DRAM1: variants seen among roughly 807,000 people sequenced by gnomAD.
DRAM1 encodes DNA damage regulated autophagy modulator 1, also known as DNA damage-regulated autophagy modulator protein 1.
In DRAM1, 25 loss-of-function variants were observed where a neutral mutation model predicts 28.5. The observed-to-expected ratio is 0.88, with a 90% confidence interval of 0.64 to 1.23. DRAM1 has a LOEUF of 1.23. Among genes scored for constraint, DRAM1 ranks in the 50% most tolerant of loss-of-function variants. The pLI is 0.00. For missense variants in DRAM1, 249 were observed against 299.2 expected, an observed-to-expected ratio of 0.83 and a Z score of 1.24; for synonymous variants, 113 against 114.2, an observed-to-expected ratio of 0.99 and a Z score of 0.07.
chr12:101,878,369 G>A lies in DRAM1; in HGVS notation c.131+449G>A, dbSNP rs939403718. On this transcript the variant is annotated intron_variant, in intron 1 of 6. Transcript: ENST00000258534. ...GGGCTTATTATTCCCGCAAGCGAGC[G>A]GTGGTGTAAAGTTGATGAAATATCA... Among the ~76,000 whole-genome samples, 3 of 152,262 alleles carry A rather than the reference G, an allele frequency of 2.0e-5. No individual in the cohort carries two copies. In the South Asian group the frequency reaches 6.2e-4, roughly 32 times the overall value.
At chr12:101,898,197 G>C (rs1224264873) in intron 2 of DRAM1, among the ~76,000 whole-genome samples, 1 of 151,576 alleles carries the variant, frequency 6.6e-6, no homozygotes, top group Non-Finnish European at 1.5e-5. Flanking sequence ...ATTTTTTGTA[G>C]TTTTTTGTAG....
At chr12:101,889,960 A>G in intron 1 of DRAM1, 1 of 383,062 alleles carries the variant, frequency 2.6e-6, no homozygotes, top group Non-Finnish European at 5.0e-6. Flanking sequence ...AAAAAAAAAA[A>G]AAGATGCCAG....
At chr12:101,919,925 C>T (rs946186991) in intron 5 of DRAM1, 184 bp from the exon 6 acceptor site, 3 of 403,706 alleles carry the variant, frequency 7.4e-6, no homozygotes, top group African/African-American at 2.1e-5. Flanking sequence ...CCTGCCTTCG[C>T]ATTCTCAGTG....
rs1566131535 is a variant in DRAM1 at position 101,914,243 on chromosome 12, AGTT to A, written c.579+17_579+19del. ...AATCCAAGAGAAAAGGTAACATTTA[AGTT>A]GTTGTGAATGTGGTTGTCGGACGTG... On this transcript the variant is annotated intron_variant, in intron 5 of 6. Transcript: ENST00000258534. The A allele has an allele frequency of 1.2e-6, 2 of 1,603,542 alleles. No individual in the cohort carries two copies. The highest frequency in any genetic ancestry group is 2.2e-5 in the South Asian group (2 of 89,344).
At chr12:101,879,540 C>G (rs1872615552) in intron 1 of DRAM1, among the ~76,000 whole-genome samples, 1 of 152,188 alleles carries the variant, frequency 6.6e-6, no homozygotes, top group African/African-American at 2.4e-5. Flanking sequence ...TTTGGCCTCC[C>G]AGAGTGTTGG....
chr12:101,880,398 T>C (rs1418918049), intron 1 of DRAM1, among the ~76,000 whole-genome samples: 2 of 149,448 alleles, frequency 1.3e-5, no homozygotes, highest in East Asian at 4.0e-4. Context: ...GCAATTCTCC[T>C]GACTCAGCCT....
intron 3 of DRAM1, among the ~76,000 whole-genome samples, chr12:101,907,773 A>G (rs953552678): frequency 6.6e-6 from 1 of 152,184 alleles, no homozygotes; most frequent in African/African-American, 2.4e-5. Context: ...AAAATTGTAT[A>G]TGATATGTAT....
intron 1 of DRAM1, among the ~76,000 whole-genome samples, chr12:101,880,039 TTTTGTTTG>T (rs556517963): frequency 5.8e-4 from 88 of 151,606 alleles, no homozygotes; most frequent in Non-Finnish European, 6.9e-4. Context: ...GTGCTGCTTC[TTTTGTTTG>T]TTTGTTTGTT....
At position 101,877,960 on chromosome 12, in the gene DRAM1, A is replaced by G; in HGVS notation, c.131+40A>G. ...GGGCGTCAGGGCCCCAGGAGCAGGC[A>G]CAGGGACCACAGGGAGCGCTGCCGA... On this transcript the variant is annotated intron_variant, in intron 1 of 6. Transcript: ENST00000258534. This position sits in a 1 kb window ranked among gnomAD's most constrained non-coding sequence, Gnocchi z 4.1. The G allele has an allele frequency of 7.0e-7, 1 of 1,419,328 alleles. No homozygotes were observed. Among genetic ancestry groups the G allele is most frequent in the Non-Finnish European group, 9.3e-7 (1 of 1,072,174 alleles). The allele number at this position is 1,419,328 out of a possible 1,614,324, so 87.9% of individuals were successfully genotyped here. A position where few individuals can be genotyped will look rare whatever the true frequency, so the allele number is the denominator to read the frequency against.
At chr12:101,885,820 G>A (rs554599638) in intron 1 of DRAM1, among the ~76,000 whole-genome samples, 4 of 152,142 alleles carry the variant, frequency 2.6e-5, no homozygotes, top group South Asian at 4.2e-4. Flanking sequence ...GAGCCACCGC[G>A]TCCGGCCTCC....
At chr12:101,910,413 A>G (rs1014590947) in intron 4 of DRAM1, among the ~76,000 whole-genome samples, 2 of 151,934 alleles carry the variant, frequency 1.3e-5, no homozygotes, top group African/African-American at 2.4e-5. Context: ...AAAGTCAGAG[A>G]GTTTTCACAA....
chr12:101,881,302 T>C (rs543542496), intron 1 of DRAM1, among the ~76,000 whole-genome samples: 1 of 152,200 alleles, frequency 6.6e-6, no homozygotes, highest in East Asian at 1.9e-4. Context: ...GAACCAGACA[T>C]AGAGAAGTGA....
intron 1 of DRAM1, among the ~76,000 whole-genome samples, chr12:101,879,711 C>T (rs574443123): frequency 1.6e-4 from 24 of 152,262 alleles, no homozygotes; most frequent in African/African-American, 5.8e-4. Flanking sequence ...TAAAGACCTG[C>T]TCAGCTGGGC....
chr12:101,900,859 A>T (rs1396885365), intron 2 of DRAM1, among the ~76,000 whole-genome samples: 2 of 152,210 alleles, frequency 1.3e-5, no homozygotes, highest in Non-Finnish European at 2.9e-5. Flanking sequence ...TGTAGCAGGA[A>T]AAACATGGAA....
At chr12:101,883,379 A>G (rs528207471) in intron 1 of DRAM1, among the ~76,000 whole-genome samples, 232 of 147,766 alleles carry the variant, frequency 1.6e-3, no homozygotes, top group African/African-American at 4.3e-3. Flanking sequence ...CAATGGCACG[A>G]TCTCGGCTCA....
At chr12:101,918,709 C>T (rs989125177) in intron 5 of DRAM1, among the ~76,000 whole-genome samples, 2 of 152,180 alleles carry the variant, frequency 1.3e-5, no homozygotes. Flanking sequence ...CTCAACAGCA[C>T]ATGCCAAGGG....
At chr12:101,901,870 A>G (rs537458095) in intron 3 of DRAM1, among the ~76,000 whole-genome samples, 74 of 148,286 alleles carry the variant, frequency 5.0e-4, no homozygotes, top group Admixed American at 2.0e-3. Context: ...CTCTATCTCA[A>G]AAAAAAAAAA....
At chr12:101,895,571 T>TA (rs1555282187) in intron 1 of DRAM1, among the ~76,000 whole-genome samples, 2 of 45,608 alleles carry the variant, frequency 4.4e-5, no homozygotes, top group African/African-American at 1.9e-4. Flanking sequence ...AGGCTATTTT[T>TA]TTTTTTTTTT....
chr12:101,909,185 C>T (rs538249355), intron 4 of DRAM1, among the ~76,000 whole-genome samples: 9 of 150,114 alleles, frequency 6.0e-5, no homozygotes, highest in African/African-American at 1.5e-4. Flanking sequence ...CGCTTGAACC[C>T]GGGAGATGGA....
Sources: gnomAD v4.1 joint callset for allele counts (sites outside exome capture counted in the v4.1 genomes callset) on GRCh38, gnomAD v4.1.1 for gene constraint, Gnocchi (gnomAD v3.1) non-coding constraint, MANE v1.5 for transcripts, NCBI Gene and HGNC (gene_info 2026-07-23, HGNC 2026-07-21) for gene names.